Variants in RFC2 observed in about 807,000 individuals in gnomAD.
RFC2 encodes the protein replication factor C subunit 2, also known as A1 40 kDa subunit.
A neutral mutation model predicts 44.8 loss-of-function variants in RFC2; 34 were observed. The ratio of observed to expected loss-of-function variants is 0.76; its 90% confidence interval spans 0.58 to 1.01. RFC2 has a LOEUF of 1.01. Among genes scored for constraint, RFC2 ranks in the 50% least tolerant of loss-of-function variants. The pLI, the probability that RFC2 is intolerant of heterozygous loss-of-function variation, is 0.00. For synonymous variants in RFC2, 177 were observed against 168.9 expected (o/e 1.05, Z -0.37); for missense variants, 400 against 453.6 (o/e 0.88, Z 1.07).
rs1209176834 is a variant in RFC2 at position 74,231,788 on chromosome 7, T to G, written c.*318A>C. On this transcript the variant is annotated 3_prime_UTR_variant, in exon 11 of 11. Coordinates refer to ENST00000055077, the MANE Select transcript of RFC2 (RefSeq NM_181471.3). ...TCCACCTCCTGGGTTCAAGCGATTC[T>G]CCTGCCACAGCCTCCCGAGTAGCTG... is the stretch of plus-strand genomic sequence containing the variant. The G allele has an allele frequency of 5.0e-6, 1 of 200,308 alleles. No homozygotes were observed. The highest frequency in any genetic ancestry group is 9.1e-5 in the South Asian group (1 of 11,014). 12.4% of individuals were successfully genotyped at this position (200,308 alleles called of 1,614,324 possible). A position where few individuals can be genotyped will look rare whatever the true frequency, so the allele number is the denominator to read the frequency against.
intron 9 of RFC2, among the ~76,000 whole-genome samples, chr7:74,235,905 T>C (rs1232031169): frequency 6.6e-6 from 1 of 151,918 alleles, no homozygotes; most frequent in African/African-American, 2.4e-5. Context: ...GCAATCCTCC[T>C]GCCTCGACCT....
chr7:74,236,821 T>C (rs1306268766), intron 9 of RFC2, among the ~76,000 whole-genome samples: 1 of 152,170 alleles, frequency 6.6e-6, no homozygotes, highest in African/African-American at 2.4e-5. Flanking sequence ...GGGCTGGGCA[T>C]AGTGACATGT....
intron 4 of RFC2, among the ~76,000 whole-genome samples, chr7:74,248,753 C>T (rs1486408020): frequency 6.6e-6 from 1 of 152,008 alleles, no homozygotes; most frequent in East Asian, 1.9e-4. Flanking sequence ...CTACCTGCCT[C>T]GGCCTCCCAA....
chr7:74,237,916 T>C (rs1317351886), intron 8 of RFC2, among the ~76,000 whole-genome samples: 1 of 152,160 alleles, frequency 6.6e-6, no homozygotes, highest in Non-Finnish European at 1.5e-5. Flanking sequence ...AGCAGGCAGG[T>C]GCATGGTGCT....
chr7:74,233,976 C>A, intron 10 of RFC2: 1 of 450,572 alleles, frequency 2.2e-6, no homozygotes, highest in Non-Finnish European at 4.5e-6. Context: ...AAAAACTTAA[C>A]ATTTGCATTC....
At chr7:74,243,346 C>A in intron 5 of RFC2, 100 bp from the exon 6 acceptor site, 1 of 773,670 alleles carries the variant, frequency 1.3e-6, no homozygotes, top group South Asian at 1.5e-5. Flanking sequence ...ATCCAATGTC[C>A]TAAATGAGGG....
At chr7:74,251,567 A>G (rs894703987) in intron 2 of RFC2, among the ~76,000 whole-genome samples, 4 of 152,044 alleles carry the variant, frequency 2.6e-5, no homozygotes, top group Non-Finnish European at 5.9e-5. Flanking sequence ...TGGGAGGCCG[A>G]GGCAGGCGGA....
At chr7:74,233,239 G>A (rs1234898148) in intron 10 of RFC2, among the ~76,000 whole-genome samples, 4 of 152,020 alleles carry the variant, frequency 2.6e-5, no homozygotes, top group Non-Finnish European at 4.4e-5. Context: ...TAGGCCAGGC[G>A]CAGTGGCTCA....
chr7:74,254,388 G>T lies in RFC2; in HGVS notation c.-5C>A, dbSNP rs1215338280. ...ACAGACGGCCTCCACCTCCATTCTC[G>T]CGCCTCCTCTTCCCGCCACCCGAGG... On this transcript the variant is annotated 5_prime_UTR_variant, in exon 1 of 11. Transcript: ENST00000055077. 5.7e-6 allele frequency: 9 copies of T among 1,583,230 alleles called. No individual in the cohort carries two copies. The highest frequency in any genetic ancestry group is 1.7e-4 in the Middle Eastern group (1 of 5,906).
At chr7:74,236,987 C>T (rs112578289) in intron 9 of RFC2, among the ~76,000 whole-genome samples, 3 of 150,660 alleles carry the variant, frequency 2.0e-5, no homozygotes, top group South Asian at 2.1e-4. Flanking sequence ...AATAAATAAA[C>T]AAACACAGTG....
intron 3 of RFC2, 174 bp from the exon 4 acceptor site, chr7:74,249,292 G>C (rs565638010): frequency 3.9e-4 from 489 of 1,258,060 alleles, no homozygotes; most frequent in Non-Finnish European, 5.2e-4. Context: ...TATAATCCCA[G>C]CACTTTGGGA....
intron 10 of RFC2, among the ~76,000 whole-genome samples, 177 bp downstream of exon 10, chr7:74,235,355 T>C (rs1368558674): frequency 1.3e-5 from 2 of 151,858 alleles, no homozygotes; most frequent in African/African-American, 4.8e-5. Context: ...CTAATTTTTG[T>C]ATTTTTAGTA....
At chr7:74,233,368 C>A (rs1802831627) in intron 10 of RFC2, among the ~76,000 whole-genome samples, 1 of 151,916 alleles carries the variant, frequency 6.6e-6, no homozygotes, top group Non-Finnish European at 1.5e-5. Context: ...TAAAAATTGG[C>A]CGGTCTTAAC....
rs1204047080 is a variant in RFC2 at position 74,233,593 on chromosome 7, T to TG, written c.955-1378dup. Among the ~76,000 whole-genome samples the TG allele has an allele frequency of 1.5e-4, 23 of 148,702 alleles. No homozygotes were observed. The East Asian group carries it at 2.9e-3, about 19-fold the overall frequency. Reference sequence around the variant, plus strand: ...TAGGTTATTTTGTTGTTGTTGTTATTGGTTTTTTTTTTTTTTTTTTTTTTA... The same window carrying TG: ...TAGGTTATTTTGTTGTTGTTGTTATTGGGTTTTTTTTTTTTTTTTTTTTTTA... On this transcript the variant is annotated intron_variant, in intron 10 of 10. Coordinates refer to ENST00000055077, the MANE Select transcript of RFC2 (RefSeq NM_181471.3).
intron 10 of RFC2, among the ~76,000 whole-genome samples, chr7:74,232,960 A>G (rs1802807983): frequency 6.6e-6 from 1 of 152,174 alleles, no homozygotes; most frequent in Non-Finnish European, 1.5e-5. Context: ...CACACCTGTA[A>G]TCCCAGCATT....
chr7:74,249,418 G>A (rs1803806097), intron 3 of RFC2, among the ~76,000 whole-genome samples: 2 of 152,130 alleles, frequency 1.3e-5, no homozygotes, highest in East Asian at 3.8e-4. Context: ...GCAGGCACCT[G>A]TAATCCCAGC....
Position 74,249,789 on chromosome 7 carries a change from A to C in RFC2, c.184-9T>G. The stretch of plus-strand genomic sequence containing the variant: ...CCTTCCCTTGCAAAGACCTACGGCG[A>C]AAATGATCATTAAAACCGGTTAAAA... On this transcript the variant is annotated splice_polypyrimidine_tract_variant and intron_variant, in intron 2 of 10. Transcript: ENST00000055077. 1 of 1,612,496 alleles carries C rather than the reference A, an allele frequency of 6.2e-7. No homozygotes were observed. The highest frequency in any genetic ancestry group is 1.7e-5 in the Admixed American group (1 of 59,994).
intron 6 of RFC2, 127 bp from the exon 7 acceptor site, chr7:74,240,222 G>T: frequency 2.5e-6 from 2 of 799,000 alleles, no homozygotes; most frequent in Non-Finnish European, 3.9e-6. Context: ...GACTTGGTAG[G>T]CCGGACACGA....
Position 74,238,125 on chromosome 7 carries a change from C to T in RFC2, c.760-683G>A, listed in dbSNP as rs1803126673. Among the ~76,000 whole-genome samples the T allele has an allele frequency of 6.6e-6, 1 of 152,076 alleles. No individual in the cohort carries two copies. The highest frequency in any genetic ancestry group is 1.5e-5 in the Non-Finnish European group (1 of 68,014). Reference sequence around the variant, plus strand: ...CTCCAAGACAAAACAGGGCCCGAACCATCACCCCTGTTTCTGAGCGGGCCT... The same window carrying T: ...CTCCAAGACAAAACAGGGCCCGAACTATCACCCCTGTTTCTGAGCGGGCCT... On this transcript the variant is annotated intron_variant, in intron 8 of 10. Coordinates refer to ENST00000055077, the MANE Select transcript of RFC2 (RefSeq NM_181471.3). The surrounding 1 kb of genome is among the most constrained non-coding windows in gnomAD (Gnocchi z 4.0).
Sources: gnomAD v4.1 joint callset for allele counts (sites outside exome capture counted in the v4.1 genomes callset) on GRCh38, gnomAD v4.1.1 for gene constraint, Gnocchi (gnomAD v3.1) non-coding constraint, MANE v1.5 for transcripts, NCBI Gene and HGNC (gene_info 2026-07-23, HGNC 2026-07-21) for gene names.